DNAJC11: variants seen among roughly 807,000 people sequenced by gnomAD.
DNAJC11 encodes dnaJ homolog subfamily C member 11.
In DNAJC11, 15 loss-of-function variants were observed where a neutral mutation model predicts 78.6. The observed-to-expected ratio is 0.19, with a 90% CI of 0.13 to 0.29. DNAJC11 has a LOEUF of 0.29. DNAJC11 is among the 10% of genes least tolerant of loss of function. The pLI, the probability that DNAJC11 is intolerant of heterozygous loss-of-function variation, is 1.00. For missense variants in DNAJC11, 547 were observed against 709.6 expected (o/e 0.77, Z 2.60); for synonymous variants, 292 against 272.1 (o/e 1.07, Z -0.72).
chr1:6,669,578 G>GAAAAGAAA (rs1557480334), intron 3 of DNAJC11, among the ~76,000 whole-genome samples: 176 of 135,204 alleles, frequency 1.3e-3, no homozygotes, highest in African/African-American at 4.7e-3. Context: ...AAGAAAAGAA[G>GAAAAGAAA]GCATTTCAAT....
chr1:6,682,788 C>T (rs549837300), intron 1 of DNAJC11, among the ~76,000 whole-genome samples: 8 of 152,064 alleles, frequency 5.3e-5, no homozygotes, highest in Non-Finnish European at 1.2e-4. Flanking sequence ...ATTACCTGGG[C>T]GTGGAGGCGC....
intron 1 of DNAJC11, among the ~76,000 whole-genome samples, chr1:6,697,274 G>A (rs1642852338): frequency 6.6e-6 from 1 of 152,196 alleles, no homozygotes; most frequent in African/African-American, 2.4e-5. Context: ...AGGAGAACGG[G>A]GGGTCCTTTC....
At chr1:6,636,079 C>T in intron 15 of DNAJC11, 38 bp downstream of exon 15, 1 of 1,594,002 alleles carries the variant, frequency 6.3e-7, no homozygotes, top group Non-Finnish European at 8.6e-7. Flanking sequence ...AGGTCCCCGC[C>T]CCCGTTAGCT....
chr1:6,645,158 C>G lies in DNAJC11; in HGVS notation c.895-32G>C, dbSNP rs1290829245. ...AGACAGAGGGTGCAAGGATGCGTGG[C>G]TAGGGCGTGTGACTCTGTGGGGAGA... On this transcript the variant is annotated intron_variant, in intron 8 of 15. Transcript: ENST00000377577. This position sits in a 1 kb window ranked among gnomAD's most constrained non-coding sequence, Gnocchi z 4.1. 2 of 1,566,566 alleles carry G rather than the reference C, an allele frequency of 1.3e-6. No individual in the cohort carries two copies. Among genetic ancestry groups the G allele is most frequent in the Non-Finnish European group, 1.8e-6 (2 of 1,138,610 alleles).
intron 14 of DNAJC11, among the ~76,000 whole-genome samples, chr1:6,636,466 C>T (rs1449774827): frequency 2.0e-5 from 3 of 152,212 alleles, no homozygotes; most frequent in Non-Finnish European, 2.9e-5. Context: ...CACCAGATGA[C>T]TTCTAGGGTG....
chr1:6,698,838 T>C lies in DNAJC11; in HGVS notation c.72+2891A>G, dbSNP rs801910. 2.9e-3 allele frequency among the ~76,000 whole-genome samples: 430 copies of C among 150,546 alleles called. 1 individual carries two copies. Among genetic ancestry groups the C allele is most frequent in the African/African-American group, 0.01 (416 of 41,002 alleles). On this transcript the variant is annotated intron_variant, in intron 1 of 15. Transcript: ENST00000377577. The stretch of plus-strand genomic sequence containing the variant: ...GTGCCTGTAATACCAGCTACTCTGG[T>C]GGCTGAGGTGGGAGGATCACCTGAG...
intron 3 of DNAJC11, among the ~76,000 whole-genome samples, chr1:6,671,155 T>A (rs1557481008): frequency 6.6e-6 from 1 of 152,232 alleles, no homozygotes; most frequent in Non-Finnish European, 1.5e-5. Flanking sequence ...TTCCTCTACA[T>A]AGCTCAGAGG....
chr1:6,697,441 A>G (rs1304810246), intron 1 of DNAJC11, among the ~76,000 whole-genome samples: 1 of 147,354 alleles, frequency 6.8e-6, no homozygotes, highest in Non-Finnish European at 1.5e-5. Context: ...TCAAATTCTC[A>G]TAAAGAGGAC....
At chr1:6,668,253 C>T (rs1642322227) in intron 3 of DNAJC11, 1 of 155,324 alleles carries the variant, frequency 6.4e-6, no homozygotes, top group African/African-American at 2.4e-5. Flanking sequence ...TCTCCTGCCT[C>T]AGCCTCCTGA....
chr1:6,644,553 C>T lies in DNAJC11; in HGVS notation c.1097+5G>A, dbSNP rs764956635. On this transcript the variant is annotated splice_donor_5th_base_variant and intron_variant, in intron 10 of 15. Transcript: ENST00000377577. ...CTTGACCCGAAAGGCCTAAGTTCAA[C>T]TTACTTGACTTTGAGAGAAACACCC... The T allele has an allele frequency of 6.2e-7, 1 of 1,608,830 alleles. No individual in the cohort carries two copies. Among genetic ancestry groups the T allele is most frequent in the Non-Finnish European group, 8.5e-7 (1 of 1,175,172 alleles).
At chr1:6,683,726 G>A (rs149813163) in intron 1 of DNAJC11, among the ~76,000 whole-genome samples, 1 of 152,348 alleles carries the variant, frequency 6.6e-6, no homozygotes, top group East Asian at 1.9e-4. Context: ...ATGGATAACG[G>A]AAACATTCAT....
intron 4 of DNAJC11, 70 bp from the exon 5 acceptor site, chr1:6,654,109 A>AATT: frequency 6.4e-7 from 1 of 1,572,966 alleles, no homozygotes; most frequent in Non-Finnish European, 8.7e-7. Flanking sequence ...GCTACACTTC[A>AATT]ACAGCCAGCT....
intron 7 of DNAJC11, among the ~76,000 whole-genome samples, chr1:6,647,407 G>C (rs1429861179): frequency 1.3e-5 from 2 of 152,042 alleles, no homozygotes; most frequent in Non-Finnish European, 2.9e-5. Flanking sequence ...TTTGATTTAA[G>C]ATGGCTTATT....
At position 6,649,666 on chromosome 1, in the gene DNAJC11, G is replaced by A. The variant is rs188685900; in HGVS notation, c.704+1863C>T. On this transcript the variant is annotated intron_variant, in intron 7 of 15. Transcript: ENST00000377577. ...GGGATTAGGTCAACCCCTGCAGAGC[G>A]TGGCAGGCACACAGATACATGTCTC... 2.8e-4 allele frequency among the ~76,000 whole-genome samples: 43 copies of A among 152,202 alleles called. 1 individual carries two copies. The highest frequency in any genetic ancestry group is 9.6e-4 in the African/African-American group (40 of 41,528).
At chr1:6,635,974 C>T (rs981703553) in intron 15 of DNAJC11, 143 bp downstream of exon 15, 1 of 1,266,258 alleles carries the variant, frequency 7.9e-7, no homozygotes, top group African/African-American at 1.5e-5. Flanking sequence ...CTGAGTGAAT[C>T]ATGGGTCAAG....
At chr1:6,685,298 C>T (rs1002319660) in intron 1 of DNAJC11, among the ~76,000 whole-genome samples, 1 of 152,184 alleles carries the variant, frequency 6.6e-6, no homozygotes, top group Non-Finnish European at 1.5e-5. Flanking sequence ...CAGGGATCCA[C>T]AAAGTCAAAA....
chr1:6,648,041 G>A (rs1451520919), intron 7 of DNAJC11, among the ~76,000 whole-genome samples: 4 of 152,064 alleles, frequency 2.6e-5, no homozygotes, highest in Admixed American at 6.6e-5. Flanking sequence ...AGAACAAAAC[G>A]GCCAAAAGAT....
At chr1:6,636,074 C>T (rs1040268617) in intron 15 of DNAJC11, 43 bp downstream of exon 15, 5 of 1,588,482 alleles carry the variant, frequency 3.1e-6, no homozygotes, top group Non-Finnish European at 3.4e-6. Context: ...CTTCGAGGTC[C>T]CCGCCCCCGT....
chr1:6,686,101 A>T (rs1642651114), intron 1 of DNAJC11, among the ~76,000 whole-genome samples: 1 of 152,192 alleles, frequency 6.6e-6, no homozygotes, highest in Non-Finnish European at 1.5e-5. Flanking sequence ...GTCTTATTTT[A>T]CAACAATATT....
Sources: allele counts gnomAD v4.1 joint callset (sites outside exome capture counted in the v4.1 genomes callset), GRCh38; gene constraint gnomAD v4.1.1; non-coding constraint Gnocchi (gnomAD v3.1); transcripts MANE v1.5; gene names NCBI Gene and HGNC (gene_info 2026-07-23, HGNC 2026-07-21).